VTA1: variants seen among roughly 807,000 people sequenced by gnomAD.
The protein encoded by VTA1 is vesicle trafficking 1.
A neutral mutation model predicts 36.9 loss-of-function variants in VTA1; 24 were observed. That is an observed-to-expected ratio of 0.65 (90% CI 0.47 to 0.91). VTA1 has a LOEUF of 0.91. Ranked by LOEUF, VTA1 falls within the 40% of genes least tolerant of loss-of-function variation. The pLI, the probability that VTA1 is intolerant of heterozygous loss-of-function variation, is 0.00. For synonymous variants in VTA1, 142 were observed against 130.2 expected, an observed-to-expected ratio of 1.09 and a Z score of -0.62; for missense variants, 393 against 377.2, an observed-to-expected ratio of 1.04 and a Z score of -0.35.
chr6:142,151,713 T>G (rs1778571396), intron 1 of VTA1, among the ~76,000 whole-genome samples: 1 of 152,226 alleles, frequency 6.6e-6, no homozygotes, highest in Admixed American at 6.5e-5. Context: ...AGGTTTTTTG[T>G]TTTGTTTTGT....
chr6:142,188,191 G>A (rs1357521984), intron 4 of VTA1, among the ~76,000 whole-genome samples: 10 of 145,824 alleles, frequency 6.9e-5, no homozygotes, highest in Non-Finnish European at 7.5e-5. Flanking sequence ...TTACAGGCAT[G>A]AGCCACTGTG....
At chr6:142,207,458 A>G (rs1775815777) in intron 7 of VTA1, among the ~76,000 whole-genome samples, 1 of 152,164 alleles carries the variant, frequency 6.6e-6, no homozygotes, top group South Asian at 2.1e-4. Context: ...CAGCAGTACC[A>G]TGCTGTAGGA....
chr6:142,175,134 C>A (rs1332852022), intron 4 of VTA1, among the ~76,000 whole-genome samples: 1 of 152,042 alleles, frequency 6.6e-6, no homozygotes, highest in Non-Finnish European at 1.5e-5. Context: ...AAATTCCATC[C>A]CTTTTCAAAA....
chr6:142,218,398 C>A, intron 7 of VTA1, 100 bp from the exon 8 acceptor site: 2 of 1,234,316 alleles, frequency 1.6e-6, no homozygotes, highest in Non-Finnish European at 2.3e-6. Flanking sequence ...TTTTACATAG[C>A]CTTAAATATG....
intron 5 of VTA1, among the ~76,000 whole-genome samples, chr6:142,191,611 G>A (rs1394263408): frequency 6.6e-6 from 1 of 152,002 alleles, no homozygotes; most frequent in Admixed American, 6.6e-5. Flanking sequence ...TTTCTGGATA[G>A]TGGAAAATTG....
intron 1 of VTA1, 24 bp downstream of exon 1, chr6:142,147,423 C>G (rs1163316775): frequency 6.2e-7 from 1 of 1,604,624 alleles, no homozygotes; most frequent in South Asian, 1.1e-5. Flanking sequence ...AGTGGCCGCG[C>G]CCTTTCTTTC....
chr6:142,174,764 T>C (rs1197480757), intron 4 of VTA1, among the ~76,000 whole-genome samples: 5 of 152,098 alleles, frequency 3.3e-5, no homozygotes, highest in Non-Finnish European at 7.4e-5. Flanking sequence ...CTTGGTGCCC[T>C]CCCCATGGTA....
chr6:142,205,703 C>T (rs1412697935), intron 7 of VTA1, among the ~76,000 whole-genome samples: 1 of 151,978 alleles, frequency 6.6e-6, no homozygotes, highest in Non-Finnish European at 1.5e-5. Context: ...GGAGAACTCC[C>T]CTCCTTTAAG....
intron 6 of VTA1, among the ~76,000 whole-genome samples, chr6:142,201,753 A>G (rs1313585077): frequency 1.3e-5 from 2 of 151,974 alleles, no homozygotes; most frequent in Non-Finnish European, 2.9e-5. Flanking sequence ...ACTCTGGCCT[A>G]CGCATTTCTC....
Position 142,189,419 on chromosome 6 carries a change from C to G in VTA1, c.412-7C>G. 3 of 1,609,536 alleles carry G rather than the reference C, an allele frequency of 1.9e-6. No homozygotes were observed. The highest frequency in any genetic ancestry group is 2.6e-6 in the Non-Finnish European group (3 of 1,176,412). ...TCCAATGTTGATATAAAAATGCTCT[C>G]TTTTAGAATGTGAAACACAGGAAGT... is the stretch of plus-strand genomic sequence containing the variant. On this transcript the variant is annotated splice_region_variant and splice_polypyrimidine_tract_variant and intron_variant, in intron 4 of 7. Coordinates refer to ENST00000367630, the MANE Select transcript of VTA1 (RefSeq NM_016485.5).
At chr6:142,168,370 A>G (rs1447458476) in intron 2 of VTA1, among the ~76,000 whole-genome samples, 2 of 152,062 alleles carry the variant, frequency 1.3e-5, no homozygotes, top group Non-Finnish European at 2.9e-5. Flanking sequence ...CTGTTTAATT[A>G]TGAAAGTATT....
At chr6:142,198,759 A>C in intron 6 of VTA1, 144 bp downstream of exon 6, 1 of 726,434 alleles carries the variant, frequency 1.4e-6, no homozygotes, top group South Asian at 3.2e-5. Context: ...AGAAACATTA[A>C]ATTATTTTCA....
At chr6:142,213,467 G>T (rs1282184406) in intron 7 of VTA1, among the ~76,000 whole-genome samples, 1 of 152,204 alleles carries the variant, frequency 6.6e-6, no homozygotes, top group African/African-American at 2.4e-5. Flanking sequence ...CTGAGGTCTA[G>T]AGGATGGTGG....
rs1337460385 is a variant in VTA1, at chr6:142,221,779, A to G, written c.*3136A>G. ...TTTATTAATATATAAATATGTATTT[A>G]TATATAAATCATAAATATATTAATA... On this transcript the variant is annotated 3_prime_UTR_variant, in exon 8 of 8. Transcript: ENST00000367630. 6.8e-6 allele frequency: 1 copy of G among 148,008 alleles called. No homozygotes were observed. Among genetic ancestry groups the G allele is most frequent in the Non-Finnish European group, 1.5e-5 (1 of 67,238 alleles). The allele number at this position is 148,008 out of a possible 1,614,324, so 9.2% of individuals were successfully genotyped here.
At chr6:142,148,220 G>A (rs1778494448) in intron 1 of VTA1, among the ~76,000 whole-genome samples, 1 of 152,116 alleles carries the variant, frequency 6.6e-6, no homozygotes, top group Non-Finnish European at 1.5e-5. Context: ...GATATAATGC[G>A]TCCATTGTTG....
chr6:142,215,817 G>A (rs1013765166), intron 7 of VTA1, among the ~76,000 whole-genome samples: 5 of 152,148 alleles, frequency 3.3e-5, no homozygotes, highest in African/African-American at 1.2e-4. Context: ...AACTGAGCAC[G>A]CAGTGATTTT....
chr6:142,188,148 A>G lies in VTA1; in HGVS notation c.412-1278A>G, dbSNP rs575933977. Among the ~76,000 whole-genome samples the G allele has an allele frequency of 3.4e-4, 51 of 149,156 alleles. 1 individual carries two copies. Among genetic ancestry groups the G allele is most frequent in the African/African-American group, 7.7e-4 (31 of 40,484 alleles). On this transcript the variant is annotated intron_variant, in intron 4 of 7. Coordinates refer to ENST00000367630, the MANE Select transcript of VTA1 (RefSeq NM_016485.5). ...GGTCTCCAACTCCTGAGCTCTGGCA[A>G]TCCACCCTCCTTGGCCTCCCAAAGT...
chr6:142,181,782 A>G (rs999719436), intron 4 of VTA1, among the ~76,000 whole-genome samples: 4 of 152,092 alleles, frequency 2.6e-5, no homozygotes, highest in Non-Finnish European at 5.9e-5. Flanking sequence ...TTGTGTATTA[A>G]GTTATAGTTA....
intron 5 of VTA1, among the ~76,000 whole-genome samples, chr6:142,191,669 T>C (rs2114667171): frequency 6.6e-6 from 1 of 152,180 alleles, no homozygotes; most frequent in South Asian, 2.1e-4. Context: ...TAAAGGAGAA[T>C]ATTTTCACTG....
Sources: gnomAD v4.1 joint callset for allele counts (sites outside exome capture counted in the v4.1 genomes callset) on GRCh38, gnomAD v4.1.1 for gene constraint, MANE v1.5 for transcripts, NCBI Gene and HGNC (gene_info 2026-07-23, HGNC 2026-07-21) for gene names.